The following KCNB2 variants were observed in gnomAD, a reference collection of about 807,000 sequenced individuals.
KCNB2 encodes the protein delayed rectifier potassium channel protein.
In KCNB2, 15 loss-of-function variants were observed where a neutral mutation model predicts 61.5. The observed-to-expected ratio is 0.24, with a 90% CI of 0.16 to 0.38. KCNB2 has a LOEUF of 0.38. KCNB2 is among the 10% of genes least tolerant of loss of function. KCNB2 has a pLI of 1.00. For missense variants in KCNB2, 828 were observed against 1,125.2 expected (o/e 0.74, Z 3.78); for synonymous variants, 457 against 446.0 (o/e 1.02, Z -0.31).
intron 2 of KCNB2, among the ~76,000 whole-genome samples, chr8:72,629,252 C>A (rs2128984824): frequency 6.6e-6 from 1 of 152,216 alleles, no homozygotes; most frequent in East Asian, 1.9e-4. Flanking sequence ...GGAGGAATAG[C>A]CCCCACAGTG....
intron 2 of KCNB2, among the ~76,000 whole-genome samples, chr8:72,685,594 A>G (rs895062463): frequency 6.6e-6 from 1 of 152,188 alleles, no homozygotes; most frequent in Non-Finnish European, 1.5e-5. Flanking sequence ...TGTAGGGGTC[A>G]AAGAAGGTAA....
intron 2 of KCNB2, among the ~76,000 whole-genome samples, chr8:72,705,126 C>G (rs968929977): frequency 6.6e-6 from 1 of 152,188 alleles, no homozygotes; most frequent in Non-Finnish European, 1.5e-5. Flanking sequence ...TGGACCCTCT[C>G]TTTCTGCATG....
intron 2 of KCNB2, among the ~76,000 whole-genome samples, chr8:72,600,246 T>C: frequency 6.6e-6 from 1 of 152,124 alleles, no homozygotes; most frequent in South Asian, 2.1e-4. Context: ...ATATACACCA[T>C]GGAATACTAT....
intron 2 of KCNB2, among the ~76,000 whole-genome samples, chr8:72,637,114 A>G (rs977572509): frequency 1.1e-4 from 17 of 152,156 alleles, no homozygotes; most frequent in Non-Finnish European, 1.9e-4. Context: ...TAGGTTTTGG[A>G]GGCTAAAGCC....
chr8:72,913,974 T>G (rs1806346901), intron 2 of KCNB2, among the ~76,000 whole-genome samples: 1 of 152,206 alleles, frequency 6.6e-6, no homozygotes, highest in Admixed American at 6.5e-5. Flanking sequence ...GGATGTGTCT[T>G]AGTACATTCA....
chr8:72,674,283 A>G (rs890132785), intron 2 of KCNB2, among the ~76,000 whole-genome samples: 3 of 152,224 alleles, frequency 2.0e-5, no homozygotes, highest in Admixed American at 6.5e-5. Flanking sequence ...AACATCTTGG[A>G]GTTCAAAGTG....
intron 2 of KCNB2, among the ~76,000 whole-genome samples, chr8:72,851,826 G>GGAAAAAAAAAA (rs1303050547): frequency 2.3e-5 from 1 of 43,868 alleles, no homozygotes; most frequent in East Asian, 5.9e-4. Flanking sequence ...GAAGCTGTAG[G>GGAAAAAAAAAA]AAAAAAAAAA....
chr8:72,659,148 C>T (rs997827084), intron 2 of KCNB2, among the ~76,000 whole-genome samples: 8 of 152,194 alleles, frequency 5.3e-5, no homozygotes, highest in Admixed American at 4.6e-4. Flanking sequence ...GGAAAAGATT[C>T]ACCATTCTTG....
At chr8:72,549,745 C>T (rs947576020) in intron 1 of KCNB2, among the ~76,000 whole-genome samples, 20 of 152,218 alleles carry the variant, frequency 1.3e-4, no homozygotes, top group Non-Finnish European at 2.9e-4. Flanking sequence ...CCTGTGTTCT[C>T]TTTGGCTCCT....
intron 2 of KCNB2, among the ~76,000 whole-genome samples, chr8:72,763,880 G>A (rs1681679455): frequency 6.6e-6 from 1 of 152,172 alleles, no homozygotes; most frequent in Non-Finnish European, 1.5e-5. Context: ...CAGAGGAGGA[G>A]ACCCTGGGGA....
chr8:72,571,201 A>C (rs951442038), intron 2 of KCNB2, among the ~76,000 whole-genome samples: 10 of 152,240 alleles, frequency 6.6e-5, no homozygotes, highest in African/African-American at 2.4e-4. Flanking sequence ...TCAGTTAAGT[A>C]ATAATTGTTC....
intron 2 of KCNB2, among the ~76,000 whole-genome samples, chr8:72,665,387 G>T (rs1806450938): frequency 6.6e-6 from 1 of 152,190 alleles, no homozygotes; most frequent in South Asian, 2.1e-4. Flanking sequence ...TGCTGGGGAA[G>T]TCGGATGGGG....
At chr8:72,638,571 C>A (rs947371468) in intron 2 of KCNB2, among the ~76,000 whole-genome samples, 1 of 152,104 alleles carries the variant, frequency 6.6e-6, no homozygotes, top group African/African-American at 2.4e-5. Flanking sequence ...ATAAGACAAA[C>A]ATATTTTTAA....
intron 2 of KCNB2, among the ~76,000 whole-genome samples, chr8:72,926,205 C>A (rs1162848187): frequency 6.6e-6 from 1 of 152,062 alleles, no homozygotes; most frequent in Non-Finnish European, 1.5e-5. Flanking sequence ...ACCTATGTAA[C>A]AAATCTGCAC....
intron 2 of KCNB2, among the ~76,000 whole-genome samples, chr8:72,838,616 G>A (rs1809823704): frequency 6.6e-6 from 1 of 152,054 alleles, no homozygotes; most frequent in African/African-American, 2.4e-5. Context: ...TAATCCTTTG[G>A]GTATTTACCC....
chr8:72,691,125 C>T (rs2252442), intron 2 of KCNB2, among the ~76,000 whole-genome samples: 35,827 of 152,046 alleles, frequency 0.24, 7,000 homozygotes, highest in African/African-American at 0.54. Flanking sequence ...GTTTATATAA[C>T]TTGACGTTTT....
intron 2 of KCNB2, among the ~76,000 whole-genome samples, chr8:72,598,313 C>T (rs1036722879): frequency 1.3e-4 from 20 of 152,292 alleles, no homozygotes; most frequent in Admixed American, 7.8e-4. Flanking sequence ...AATCAATAAA[C>T]GTAATCCAGC....
In KCNB2 at chr8:72,794,496, C is replaced by T. The variant is rs567334578; in HGVS notation, c.580-141439C>T. The stretch of plus-strand genomic sequence containing the variant: ...AGGGGAATCGCTTGAACCCGGGAGA[C>T]AGAGGTTGTGGTGAGCTGAGATCGC... On this transcript the variant is annotated intron_variant, in intron 2 of 2. Transcript: ENST00000523207. Among the ~76,000 whole-genome samples, 15 of 137,732 alleles carry T rather than the reference C, an allele frequency of 1.1e-4. No individual in the cohort carries two copies. The South Asian group carries it at 2.7e-3, about 25-fold the overall frequency. 90.4% of individuals were successfully genotyped at this position (137,732 alleles called of 152,430 possible).
chr8:72,882,035 C>A (rs73315069), intron 2 of KCNB2, among the ~76,000 whole-genome samples: 2,020 of 152,208 alleles, frequency 0.013, 59 homozygotes, highest in African/African-American at 0.046. Context: ...CAGTTCTGTA[C>A]CAATTCTAAT....
Sources: gnomAD v4.1 joint callset for allele counts (sites outside exome capture counted in the v4.1 genomes callset) on GRCh38, gnomAD v4.1.1 for gene constraint, MANE v1.5 for transcripts, NCBI Gene and HGNC (gene_info 2026-07-23, HGNC 2026-07-21) for gene names.